TRAF3: variants seen among roughly 807,000 people sequenced by gnomAD.
TRAF3 encodes the protein TNF receptor-associated factor 3.
In TRAF3, 13 loss-of-function variants were observed where a neutral mutation model predicts 62.3. The ratio of observed to expected loss-of-function variants is 0.21; its 90% CI spans 0.14 to 0.33. TRAF3 has a LOEUF of 0.33. Ranked by LOEUF, TRAF3 falls within the 10% of genes least tolerant of loss-of-function variation. The pLI, the probability that TRAF3 is intolerant of heterozygous loss-of-function variation, is 1.00. For synonymous variants in TRAF3, 269 were observed against 283.4 expected (o/e 0.95, Z 0.51); for missense variants, 440 against 741.8 (o/e 0.59, Z 4.73).
At position 102,870,185 on chromosome 14, in the gene TRAF3, AACTCCTCTTTCCTAAAATGGAGTCGAGT is replaced by A; in HGVS notation, c.-15_13del. On this transcript the variant is annotated start_lost and splice_region_variant and 5_prime_UTR_variant, in exon 3 of 12. Coordinates refer to ENST00000392745, the MANE Select transcript of TRAF3 (RefSeq NM_145725.3). Reference sequence around the variant, plus strand: ...GCACTCTACTGTTTTTTCCCGACAGAACTCCTCTTTCCTAAAATGGAGTCGAGTAAAAAGATGGACTCTCCTGGCGCGC... The same window carrying A: ...GCACTCTACTGTTTTTTCCCGACAGAAAAAAGATGGACTCTCCTGGCGCGC... The A allele has an allele frequency of 1.2e-6, 2 of 1,614,082 alleles. No homozygotes were observed. Among genetic ancestry groups the A allele is most frequent in the Non-Finnish European group, 1.7e-6 (2 of 1,180,004 alleles).
chr14:102,901,227 G>A (rs1406448023), intron 10 of TRAF3, among the ~76,000 whole-genome samples: 1 of 152,158 alleles, frequency 6.6e-6, no homozygotes, highest in African/African-American at 2.4e-5. Context: ...GTGCCCTTGC[G>A]TAGCACAATC....
intron 6 of TRAF3, among the ~76,000 whole-genome samples, chr14:102,878,070 A>G (rs1453748275): frequency 6.6e-6 from 1 of 152,200 alleles, no homozygotes; most frequent in South Asian, 2.1e-4. Flanking sequence ...AACATTTTCC[A>G]TTGCCTTGAT....
intron 2 of TRAF3, among the ~76,000 whole-genome samples, chr14:102,865,542 G>A (rs985802380): frequency 1.3e-4 from 18 of 140,092 alleles, no homozygotes; most frequent in African/African-American, 4.3e-4. Flanking sequence ...TTCTGTCACC[G>A]AGGCTGGAGT....
chr14:102,902,308 C>G (rs1040552243), intron 10 of TRAF3, among the ~76,000 whole-genome samples: 18 of 152,230 alleles, frequency 1.2e-4, no homozygotes, highest in Non-Finnish European at 4.4e-5. Context: ...CTGGGTTTCA[C>G]CTAGGGCCTG....
intron 2 of TRAF3, among the ~76,000 whole-genome samples, chr14:102,847,381 G>T (rs1886788050): frequency 6.6e-6 from 1 of 152,176 alleles, no homozygotes; most frequent in South Asian, 2.1e-4. Context: ...TACCATATTG[G>T]CCCGGCTGGT....
At chr14:102,790,514 A>T (rs1408625055) in intron 1 of TRAF3, among the ~76,000 whole-genome samples, 1 of 152,230 alleles carries the variant, frequency 6.6e-6, no homozygotes, top group Non-Finnish European at 1.5e-5. Context: ...CCTCACAATC[A>T]TGGTGAAAGG....
chr14:102,796,222 A>G (rs1219277305), intron 1 of TRAF3, among the ~76,000 whole-genome samples: 1 of 152,224 alleles, frequency 6.6e-6, no homozygotes, highest in Non-Finnish European at 1.5e-5. Flanking sequence ...TCAAAAACAA[A>G]CAAACAAACA....
Position 102,903,682 on chromosome 14 carries a change from A to G in TRAF3, c.1135+253A>G, listed in dbSNP as rs1472620945. ...GTAGAAAGTAGGGGCAGCTGCAGCC[A>G]CGGGAAGCTGCAAAGCCCTCCTGGG... On this transcript the variant is annotated intron_variant, in intron 11 of 11. Transcript: ENST00000392745. The surrounding 1 kb of genome is among the most constrained non-coding windows in gnomAD (Gnocchi z 6.4). 9.6e-6 allele frequency: 6 copies of G among 624,468 alleles called. No homozygotes were observed. The Admixed American group carries it at 1.1e-4, about 11-fold the overall frequency. 38.7% of individuals were successfully genotyped at this position (624,468 alleles called of 1,614,324 possible). A position where few individuals can be genotyped will look rare whatever the true frequency, so the allele number is the denominator to read the frequency against.
At chr14:102,793,112 G>A (rs1897893937) in intron 1 of TRAF3, among the ~76,000 whole-genome samples, 1 of 151,728 alleles carries the variant, frequency 6.6e-6, no homozygotes, top group South Asian at 2.1e-4. Flanking sequence ...CACCCTGCCT[G>A]TAGTTTTCTT....
intron 1 of TRAF3, among the ~76,000 whole-genome samples, chr14:102,817,525 C>T (rs1197971071): frequency 6.6e-6 from 1 of 152,026 alleles, no homozygotes; most frequent in Non-Finnish European, 1.5e-5. Context: ...GGACCTTGCC[C>T]ATGGGATCTG....
At chr14:102,872,848 C>T (rs1481480692) in intron 4 of TRAF3, among the ~76,000 whole-genome samples, 4 of 151,952 alleles carry the variant, frequency 2.6e-5, no homozygotes, top group Admixed American at 6.6e-5. Flanking sequence ...CGAGCCACCA[C>T]GCCCAGCTAA....
At chr14:102,789,741 ACT>A (rs1055187500) in intron 1 of TRAF3, among the ~76,000 whole-genome samples, 1 of 150,748 alleles carries the variant, frequency 6.6e-6, no homozygotes, top group South Asian at 2.1e-4. Flanking sequence ...TTTTCATGTG[ACT>A]CTTGGCCATT....
intron 7 of TRAF3, among the ~76,000 whole-genome samples, chr14:102,888,507 C>T (rs1387025648): frequency 6.6e-6 from 1 of 152,176 alleles, no homozygotes. Context: ...CGCCTTTGTC[C>T]TGGTAGACTG....
intron 2 of TRAF3, among the ~76,000 whole-genome samples, chr14:102,846,638 TAAAAAA>T (rs752922791): frequency 7.0e-5 from 5 of 71,782 alleles, no homozygotes; most frequent in African/African-American, 1.3e-4. Context: ...TCCAGCTTCT[TAAAAAA>T]AAAAAAAAAA....
At chr14:102,839,016 A>G (rs942036816) in intron 2 of TRAF3, among the ~76,000 whole-genome samples, 6 of 152,138 alleles carry the variant, frequency 3.9e-5, no homozygotes, top group Admixed American at 6.6e-5. Context: ...TGAACGCTGT[A>G]GAGAATCTGT....
At chr14:102,871,165 C>T (rs922750296) in intron 3 of TRAF3, among the ~76,000 whole-genome samples, 2 of 152,246 alleles carry the variant, frequency 1.3e-5, no homozygotes, top group African/African-American at 4.8e-5. Context: ...CCACAGCACT[C>T]AAGCCTGGGC....
chr14:102,799,202 C>G (rs1898256687), intron 1 of TRAF3, among the ~76,000 whole-genome samples: 1 of 152,160 alleles, frequency 6.6e-6, no homozygotes, highest in Non-Finnish European at 1.5e-5. Flanking sequence ...AAGTCCTGCT[C>G]AGAGTCTTTC....
In TRAF3 at chr14:102,907,032, T is replaced by C. The variant is rs1437917018; in HGVS notation, c.*1248T>C. ...CTCTACAAGGGCCCTCAGACACCTC[T>C]GCACCTGCTGAGGGGAAGCCAGGCT... On this transcript the variant is annotated 3_prime_UTR_variant, in exon 12 of 12. Coordinates refer to ENST00000392745, the MANE Select transcript of TRAF3 (RefSeq NM_145725.3). The C allele has an allele frequency of 1.3e-5, 2 of 152,250 alleles. No individual in the cohort carries two copies. The highest frequency in any genetic ancestry group is 4.8e-5 in the African/African-American group (2 of 41,466). 9.4% of individuals were successfully genotyped at this position (152,250 alleles called of 1,614,324 possible). A position where few individuals can be genotyped will look rare whatever the true frequency, so the allele number is the denominator to read the frequency against.
intron 1 of TRAF3, among the ~76,000 whole-genome samples, chr14:102,815,413 T>C (rs1372088930): frequency 6.6e-6 from 1 of 152,174 alleles, no homozygotes; most frequent in Non-Finnish European, 1.5e-5. Context: ...TGGAGTGCAG[T>C]GCTTATCCAT....
Sources: allele counts gnomAD v4.1 joint callset (sites outside exome capture counted in the v4.1 genomes callset), GRCh38; gene constraint gnomAD v4.1.1; non-coding constraint Gnocchi (gnomAD v3.1); transcripts MANE v1.5; gene names NCBI Gene and HGNC (gene_info 2026-07-23, HGNC 2026-07-21).